Variants in ANKS1B observed in about 807,000 individuals in gnomAD.
ANKS1B encodes the protein ankyrin repeat and sterile alpha motif domain-containing protein 1B.
Under a neutral mutation model 148.3 loss-of-function variants are expected in ANKS1B, and 36 were observed. The ratio of observed to expected loss-of-function variants is 0.24; its 90% CI spans 0.19 to 0.32. ANKS1B has a LOEUF of 0.32. ANKS1B is among the 10% of genes least tolerant of loss of function. The pLI is 1.00. For missense variants in ANKS1B, 1,157 were observed against 1,542.6 expected (o/e 0.75, Z 4.19); for synonymous variants, 542 against 560.8 (o/e 0.97, Z 0.47).
chr12:99,614,866 G>A (rs10860474), intron 9 of ANKS1B, among the ~76,000 whole-genome samples: 40,163 of 149,304 alleles, frequency 0.27, 5,884 homozygotes, highest in East Asian at 0.53. Context: ...TATTCCTTTC[G>A]GTTCTCTTAA....
chr12:99,875,817 G>T (rs2091989569), intron 1 of ANKS1B, among the ~76,000 whole-genome samples: 1 of 152,218 alleles, frequency 6.6e-6, no homozygotes, highest in Admixed American at 6.5e-5. Context: ...AAACAATGCT[G>T]AATGGGACAG....
intron 12 of ANKS1B, among the ~76,000 whole-genome samples, chr12:99,278,298 C>T (rs2077947192): frequency 2.0e-5 from 3 of 152,198 alleles, no homozygotes; most frequent in Admixed American, 6.5e-5. Context: ...GATATCAACA[C>T]TGAGGCTGAC....
At chr12:99,629,160 C>A (rs542030044) in intron 9 of ANKS1B, among the ~76,000 whole-genome samples, 4 of 152,192 alleles carry the variant, frequency 2.6e-5, no homozygotes, top group African/African-American at 9.6e-5. Context: ...AAATAGTTAC[C>A]ATCTAACCTT....
intron 12 of ANKS1B, among the ~76,000 whole-genome samples, chr12:99,262,394 T>C (rs3851622): frequency 0.31 from 47,119 of 151,890 alleles, 8,684 homozygotes; most frequent in African/African-American, 0.51. Context: ...AATAAATATA[T>C]AGATATTTGC....
At chr12:99,648,304 C>G in intron 9 of ANKS1B, 1 of 1,614,170 alleles carries the variant, frequency 6.2e-7, no homozygotes, top group Non-Finnish European at 8.5e-7. Flanking sequence ...CAGGTATGCA[C>G]CCATGTTTGA....
chr12:98,821,237 T>C (rs553395782), intron 19 of ANKS1B, among the ~76,000 whole-genome samples: 1 of 152,212 alleles, frequency 6.6e-6, no homozygotes, highest in Non-Finnish European at 1.5e-5. Context: ...AAATTAAGTA[T>C]GAAAAAATGA....
At chr12:99,369,614 G>A (rs559171807) in intron 12 of ANKS1B, among the ~76,000 whole-genome samples, 9 of 123,606 alleles carry the variant, frequency 7.3e-5, no homozygotes, top group African/African-American at 3.3e-4. Context: ...AAGGTATTAC[G>A]GTTAAGAGAA....
chr12:99,122,666 C>A (rs903842440), intron 15 of ANKS1B, among the ~76,000 whole-genome samples: 1 of 152,118 alleles, frequency 6.6e-6, no homozygotes, highest in Non-Finnish European at 1.5e-5. Context: ...TTTTCATAAA[C>A]GCTTGCTGGC....
intron 15 of ANKS1B, among the ~76,000 whole-genome samples, chr12:99,109,499 G>T (rs2153696689): frequency 6.6e-6 from 1 of 152,074 alleles, no homozygotes; most frequent in Non-Finnish European, 1.5e-5. Context: ...TATCTCCTAG[G>T]GTTCTTGGAT....
intron 15 of ANKS1B, among the ~76,000 whole-genome samples, chr12:99,148,496 G>A (rs1339023663): frequency 1.3e-5 from 2 of 151,848 alleles, no homozygotes; most frequent in African/African-American, 4.8e-5. Flanking sequence ...TGCTGCACAA[G>A]CAATCAGTAT....
chr12:99,173,022 A>G (rs1394248378), intron 14 of ANKS1B, among the ~76,000 whole-genome samples: 2 of 152,206 alleles, frequency 1.3e-5, no homozygotes, highest in Non-Finnish European at 2.9e-5. Context: ...TAAGTTAGGT[A>G]CTATCTAAAA....
intron 8 of ANKS1B, among the ~76,000 whole-genome samples, chr12:99,735,684 AAAG>A (rs1277074474): frequency 1.2e-4 from 19 of 152,056 alleles, no homozygotes; most frequent in Admixed American, 1.2e-3. Flanking sequence ...CCAAACATAT[AAAG>A]AAGAACTAGT....
At chr12:99,186,884 T>C (rs977168428) in intron 14 of ANKS1B, among the ~76,000 whole-genome samples, 2 of 151,922 alleles carry the variant, frequency 1.3e-5, no homozygotes, top group Admixed American at 6.6e-5. Context: ...GTTTGACGAA[T>C]TGACAGAAGT....
At chr12:99,501,365 G>A (rs12321878) in intron 10 of ANKS1B, among the ~76,000 whole-genome samples, 1 of 152,016 alleles carries the variant, frequency 6.6e-6, no homozygotes, top group Non-Finnish European at 1.5e-5. Context: ...CCCTGGAGGA[G>A]AGTATATTTC....
In ANKS1B at chr12:98,957,123, G is replaced by C. The variant is rs541969408; in HGVS notation, c.2778+96034C>G. Among the ~76,000 whole-genome samples the C allele has an allele frequency of 2.0e-5, 3 of 152,086 alleles. No individual in the cohort carries two copies. The East Asian group carries it at 5.8e-4, about 29-fold the overall frequency. ...CAGAATATTGTTTTATCTTATACTAGAAGATCATAGCTCAAGGAATGGGAT... is the reference window on the plus strand; with the variant it reads ...CAGAATATTGTTTTATCTTATACTACAAGATCATAGCTCAAGGAATGGGAT... On this transcript the variant is annotated intron_variant, in intron 17 of 26. Coordinates refer to ENST00000683438, the MANE Select transcript of ANKS1B (RefSeq NM_001352186.2).
chr12:98,905,452 C>T (rs751221976), intron 17 of ANKS1B, among the ~76,000 whole-genome samples: 95 of 152,104 alleles, frequency 6.2e-4, no homozygotes, highest in Non-Finnish European at 1.3e-3. Flanking sequence ...GAGGGTAGGG[C>T]GGAGGTGCTT....
chr12:99,257,946 A>G (rs1471897133), intron 12 of ANKS1B, among the ~76,000 whole-genome samples: 1 of 152,188 alleles, frequency 6.6e-6, no homozygotes, highest in African/African-American at 2.4e-5. Context: ...GTTTTTAGAG[A>G]GCAAGAGTGA....
intron 3 of ANKS1B, among the ~76,000 whole-genome samples, chr12:99,808,344 A>C (rs1364238131): frequency 6.6e-6 from 1 of 152,064 alleles, no homozygotes; most frequent in South Asian, 2.1e-4. Flanking sequence ...AAAGGAGTAG[A>C]GTGACAAGGG....
chr12:99,586,231 A>T (rs2097638094), intron 9 of ANKS1B, among the ~76,000 whole-genome samples: 1 of 152,188 alleles, frequency 6.6e-6, no homozygotes, highest in Non-Finnish European at 1.5e-5. Flanking sequence ...TTCTTCCACC[A>T]GATACCCTAA....
Sources: allele counts gnomAD v4.1 joint callset (sites outside exome capture counted in the v4.1 genomes callset), GRCh38; gene constraint gnomAD v4.1.1; transcripts MANE v1.5; gene names NCBI Gene and HGNC (gene_info 2026-07-23, HGNC 2026-07-21).